The following ZNF92 variants were observed in gnomAD, a reference collection of about 807,000 sequenced individuals.
The protein encoded by ZNF92 is epididymis luminal protein 203.
Under a neutral mutation model 12.4 loss-of-function variants are expected in ZNF92, and 11 were observed. That is an observed-to-expected ratio of 0.89 (90% CI 0.56 to 1.47). The LOEUF is 1.47. ZNF92 is among the 40% of genes most tolerant of loss of function. The pLI, the probability that ZNF92 is intolerant of heterozygous loss-of-function variation, is 0.00. For missense variants in ZNF92, 622 were observed against 681.0 expected, an observed-to-expected ratio of 0.91 and a Z score of 0.96; for synonymous variants, 206 against 228.6, an observed-to-expected ratio of 0.90 and a Z score of 0.89.
Position 65,384,171 on chromosome 7 carries a change from G to A in ZNF92, c.4-3731G>A, listed in dbSNP as rs541192186. On this transcript the variant is annotated intron_variant, in intron 1 of 3. Coordinates refer to ENST00000328747, the MANE Select transcript of ZNF92 (RefSeq NM_152626.4). ...AAGCCCTAAGAGATTTGTTTAAATT[G>A]CTTATTAGTATATGTTATAAAATTG... Among the ~76,000 whole-genome samples the A allele has an allele frequency of 7.2e-5, 11 of 152,140 alleles. No individual in the cohort carries two copies. In the South Asian group the frequency reaches 2.3e-3, roughly 32 times the overall value.
At chr7:65,382,046 C>T (rs1793433543) in intron 1 of ZNF92, among the ~76,000 whole-genome samples, 1 of 152,052 alleles carries the variant, frequency 6.6e-6, no homozygotes. Context: ...CTTCAAATTG[C>T]AAAACTACCT....
At chr7:65,392,270 C>G (rs1457070949) in intron 3 of ZNF92, among the ~76,000 whole-genome samples, 1 of 151,520 alleles carries the variant, frequency 6.6e-6, no homozygotes, top group Non-Finnish European at 1.5e-5. Flanking sequence ...GTCTTTCTAC[C>G]ATGTGTTTAA....
Position 65,398,710 on chromosome 7 carries a change from A to G in ZNF92, c.596A>G (p.Tyr199Cys). Residue 199 changes from tyrosine (Y) to cysteine (C), a missense_variant, in exon 4 of 4, where the codon TAT (tyrosine) becomes TGT (cysteine). By Grantham distance (194) the Tyr-to-Cys change is radical. Coordinates refer to ENST00000328747, the MANE Select transcript of ZNF92 (RefSeq NM_152626.4). Reference sequence around the variant, plus strand: ...CATAAGAAAATTCATACTAGAGAGTATTCTTACAAATGTGAAGAATGTGGT... The same window carrying G: ...CATAAGAAAATTCATACTAGAGAGTGTTCTTACAAATGTGAAGAATGTGGT... ...TQHKKIHTRE[Y>C]SYKCEECGKA... The G allele has an allele frequency of 6.2e-7, 1 of 1,612,128 alleles. No individual in the cohort carries two copies. The highest frequency in any genetic ancestry group is 8.5e-7 in the Non-Finnish European group (1 of 1,179,354).
chr7:65,379,276 A>C (rs1473109208), intron 1 of ZNF92, among the ~76,000 whole-genome samples: 1 of 152,126 alleles, frequency 6.6e-6, no homozygotes, highest in Non-Finnish European at 1.5e-5. Flanking sequence ...TTCAAATGTT[A>C]GAAAATGAAT....
At chr7:65,392,363 A>ATT (rs549725649) in intron 3 of ZNF92, among the ~76,000 whole-genome samples, 3 of 140,652 alleles carry the variant, frequency 2.1e-5, no homozygotes, top group Admixed American at 7.1e-5. Context: ...TTGTAATTCT[A>ATT]TTTTTTTTTT....
intron 1 of ZNF92, among the ~76,000 whole-genome samples, chr7:65,387,400 C>T (rs1240244408): frequency 6.6e-6 from 1 of 151,922 alleles, no homozygotes; most frequent in Non-Finnish European, 1.5e-5. Context: ...AACCCACACT[C>T]CTCCCCCTTA....
intron 3 of ZNF92, among the ~76,000 whole-genome samples, chr7:65,398,076 A>G (rs941101070): frequency 3.3e-5 from 5 of 152,108 alleles, no homozygotes; most frequent in Admixed American, 2.6e-4. Flanking sequence ...TAAATGTAAC[A>G]CAGTTTTCTT....
Position 65,399,871 on chromosome 7 carries a change from C to T in ZNF92, c.1757C>T (p.Thr586Ile), listed in dbSNP as rs775904779. ...SSNYTKEKLQ[T>I] Reference sequence around the variant, plus strand: ...AATTATACTAAAGAGAAACTACAAACCTGAAAGATGTGACAATGATTTTCA... The same window carrying T: ...AATTATACTAAAGAGAAACTACAAATCTGAAAGATGTGACAATGATTTTCA... Residue 586 changes from threonine (T) to isoleucine (I), a missense_variant, in exon 4 of 4, where the codon ACC becomes ATC. By Grantham distance (89) the Thr-to-Ile change is moderately conservative (BLOSUM62 -1). Coordinates refer to ENST00000328747, the MANE Select transcript of ZNF92 (RefSeq NM_152626.4). 150 of 1,562,080 alleles carry T rather than the reference C, an allele frequency of 9.6e-5. 4 individuals carry two copies. In the South Asian group the frequency reaches 1.8e-3, roughly 18 times the overall value.
Position 65,398,702 on chromosome 7 carries a change from T to C in ZNF92, c.588T>C (p.Thr196=), listed in dbSNP as rs1268804091. The stretch of plus-strand genomic sequence containing the variant: ...TAACTCAACATAAGAAAATTCATAC[T>C]AGAGAGTATTCTTACAAATGTGAAG... The part of the protein sequence containing the change: ...SQLTQHKKIH[T]REYSYKCEEC... The change falls in exon 4 of 4, where the codon ACT becomes ACC. Residue 196 remains threonine, a synonymous_variant. Transcript: ENST00000328747. The C allele has an allele frequency of 3.7e-6, 6 of 1,611,668 alleles. No individual in the cohort carries two copies. The Admixed American group carries it at 6.7e-5, about 18-fold the overall frequency.
At chr7:65,393,800 T>TGA (rs1288833477) in intron 3 of ZNF92, among the ~76,000 whole-genome samples, 1 of 152,092 alleles carries the variant, frequency 6.6e-6, no homozygotes. Flanking sequence ...ATATATCTCT[T>TGA]GATAAAGATT....
In ZNF92 at chr7:65,399,196, T is replaced by G. The variant is rs752833799; in HGVS notation, c.1082T>G (p.Ile361Arg). ...NQFSNLTKHK[I>R]IHTGEKPYKC... is the part of the protein sequence containing the mutation. ...TTCTCAAACCTTACTAAACATAAGA[T>G]AATTCATACTGGAGAGAAACCCTAC... Residue 361 changes from isoleucine to arginine, a missense_variant, in exon 4 of 4, where the codon ATA becomes AGA. Coordinates refer to ENST00000328747, the MANE Select transcript of ZNF92 (RefSeq NM_152626.4). 1.4e-5 allele frequency: 22 copies of G among 1,611,962 alleles called. No homozygotes were observed. Among genetic ancestry groups the G allele is most frequent in the Non-Finnish European group, 1.8e-5 (21 of 1,179,396 alleles).
At chr7:65,398,134 A>G (rs1793891225) in intron 3 of ZNF92, among the ~76,000 whole-genome samples, 1 of 152,112 alleles carries the variant, frequency 6.6e-6, no homozygotes, top group African/African-American at 2.4e-5. Flanking sequence ...GGCACTGTAC[A>G]CATTTAACTC....
At chr7:65,374,036 G>A in intron 1 of ZNF92, 36 bp downstream of exon 1, 1 of 1,614,046 alleles carries the variant, frequency 6.2e-7, no homozygotes, top group Non-Finnish European at 8.5e-7. Context: ...GAGAGAGGGG[G>A]AGGGTCTGGC....
At chr7:65,377,949 A>G (rs1217549520) in intron 1 of ZNF92, among the ~76,000 whole-genome samples, 1 of 152,206 alleles carries the variant, frequency 6.6e-6, no homozygotes, top group Non-Finnish European at 1.5e-5. Context: ...AGGAGGAAGT[A>G]CCAACTACAA....
At chr7:65,376,313 G>T (rs1020603898) in intron 1 of ZNF92, among the ~76,000 whole-genome samples, 1 of 151,996 alleles carries the variant, frequency 6.6e-6, no homozygotes, top group Non-Finnish European at 1.5e-5. Context: ...GGGCTTGAAA[G>T]GTAAGACATA....
At chr7:65,390,296 T>C (rs1270421864) in intron 3 of ZNF92, among the ~76,000 whole-genome samples, 1 of 152,200 alleles carries the variant, frequency 6.6e-6, no homozygotes, top group Non-Finnish European at 1.5e-5. Flanking sequence ...TAAATTCTTT[T>C]GCCACATAAT....
At chr7:65,387,776 A>G in intron 1 of ZNF92, 126 bp from the exon 2 acceptor site, 3 of 1,107,062 alleles carry the variant, frequency 2.7e-6, no homozygotes, top group Non-Finnish European at 3.7e-6. Flanking sequence ...GGATCATTTC[A>G]GTCACTCCTG....
chr7:65,378,163 T>A (rs1385740680), intron 1 of ZNF92, among the ~76,000 whole-genome samples: 1 of 150,532 alleles, frequency 6.6e-6, no homozygotes, highest in Non-Finnish European at 1.5e-5. Context: ...CTGGGTGTGG[T>A]GGCGGGCGAC....
intron 3 of ZNF92, among the ~76,000 whole-genome samples, 184 bp downstream of exon 3, chr7:65,389,085 G>C (rs139689777): frequency 6.6e-6 from 1 of 151,852 alleles, no homozygotes; most frequent in African/African-American, 2.4e-5. Flanking sequence ...TCAGCCTCCC[G>C]AGTAGCTGGG....
Sources: allele counts gnomAD v4.1 joint callset (sites outside exome capture counted in the v4.1 genomes callset), GRCh38; gene constraint gnomAD v4.1.1; transcripts MANE v1.5; gene names NCBI Gene and HGNC (gene_info 2026-07-23, HGNC 2026-07-21).